RASGRP1: variants seen among roughly 807,000 people sequenced by gnomAD.
The protein encoded by RASGRP1 is RAS guanyl releasing protein 1.
A neutral mutation model predicts 95.1 loss-of-function variants in RASGRP1; 37 were observed. That is an observed-to-expected ratio of 0.39 (90% CI 0.30 to 0.51). The LOEUF (loss-of-function observed/expected upper bound fraction) is 0.51, where lower values mean the gene tolerates loss of function less well. Ranked by LOEUF, RASGRP1 falls within the 20% of genes least tolerant of loss-of-function variation. The pLI is 0.80. For synonymous variants in RASGRP1, 325 were observed against 353.4 expected (o/e 0.92, Z 0.90); for missense variants, 711 against 965.4 (o/e 0.74, Z 3.49).
At chr15:38,509,096 TTTTC>T (rs1485731647) in intron 8 of RASGRP1, among the ~76,000 whole-genome samples, 14 of 152,344 alleles carry the variant, frequency 9.2e-5, no homozygotes, top group Admixed American at 9.2e-4. Flanking sequence ...AATGAACTTC[TTTTC>T]TTTTTCACAA....
chr15:38,518,680 C>T (rs2141127071), intron 4 of RASGRP1, among the ~76,000 whole-genome samples: 1 of 152,286 alleles, frequency 6.6e-6, no homozygotes, highest in African/African-American at 2.4e-5. Context: ...GACAAAGATT[C>T]AGGCACAATC....
At chr15:38,551,130 C>G (rs1893324454) in intron 2 of RASGRP1, among the ~76,000 whole-genome samples, 1 of 152,076 alleles carries the variant, frequency 6.6e-6, no homozygotes, top group Non-Finnish European at 1.5e-5. Flanking sequence ...ACCACAAAGT[C>G]TATGTAAGAA....
At chr15:38,554,061 C>T (rs1893445016) in intron 2 of RASGRP1, among the ~76,000 whole-genome samples, 1 of 152,238 alleles carries the variant, frequency 6.6e-6, no homozygotes, top group South Asian at 2.1e-4. Context: ...GGCTGAATGG[C>T]AATCTCTGGG....
At chr15:38,511,496 A>C in intron 8 of RASGRP1, 108 bp downstream of exon 8, 2 of 787,444 alleles carry the variant, frequency 2.5e-6, no homozygotes, top group Non-Finnish European at 4.3e-6. Flanking sequence ...CTGGTTGACA[A>C]GGGATGGTGT....
chr15:38,533,853 T>C (rs1225291179), intron 2 of RASGRP1, among the ~76,000 whole-genome samples: 1 of 152,228 alleles, frequency 6.6e-6, no homozygotes, highest in Non-Finnish European at 1.5e-5. Context: ...CCCTGGTTTG[T>C]AGTGTTCACG....
intron 14 of RASGRP1, 60 bp downstream of exon 14, chr15:38,500,043 C>G: frequency 2.6e-6 from 4 of 1,550,008 alleles, no homozygotes; most frequent in South Asian, 1.1e-5. Flanking sequence ...AGGCAGTTCT[C>G]TATAGCAGCG....
chr15:38,543,779 C>G (rs145572651), intron 2 of RASGRP1, among the ~76,000 whole-genome samples: 10 of 151,128 alleles, frequency 6.6e-5, no homozygotes, highest in South Asian at 4.2e-4. Context: ...CTAAGGTCAT[C>G]TTACTTTACT....
chr15:38,512,065 G>A (rs1405085519), intron 7 of RASGRP1, among the ~76,000 whole-genome samples: 1 of 152,248 alleles, frequency 6.6e-6, no homozygotes, highest in Admixed American at 6.5e-5. Flanking sequence ...TAGGCTTGGA[G>A]ATCTGTACTT....
At chr15:38,520,669 TA>T (rs1278738116) in intron 3 of RASGRP1, among the ~76,000 whole-genome samples, 7 of 152,090 alleles carry the variant, frequency 4.6e-5, no homozygotes, top group Non-Finnish European at 8.8e-5. Context: ...ATTAGAGTTA[TA>T]AAAAACTATT....
At chr15:38,512,262 C>A (rs544260763) in intron 7 of RASGRP1, among the ~76,000 whole-genome samples, 2 of 152,280 alleles carry the variant, frequency 1.3e-5, no homozygotes, top group South Asian at 4.1e-4. Context: ...CCATGCAATG[C>A]CAGTGCCTAT....
intron 7 of RASGRP1, among the ~76,000 whole-genome samples, chr15:38,512,094 A>G (rs1891547907): frequency 1.3e-5 from 2 of 152,226 alleles, no homozygotes; most frequent in South Asian, 2.1e-4. Context: ...CCTTTAGTTA[A>G]TATCAGAGCA....
intron 15 of RASGRP1, among the ~76,000 whole-genome samples, chr15:38,496,930 G>A (rs1890814882): frequency 6.6e-6 from 1 of 152,180 alleles, no homozygotes; most frequent in Non-Finnish European, 1.5e-5. Context: ...TTTTCTCTAG[G>A]CATCTGTTGT....
intron 2 of RASGRP1, among the ~76,000 whole-genome samples, chr15:38,533,213 A>T (rs145135430): frequency 1.7e-3 from 265 of 152,276 alleles, no homozygotes; most frequent in South Asian, 4.8e-3. Flanking sequence ...GTGTGCCACA[A>T]CCAGAGGCCA....
At chr15:38,495,217 C>T (rs1267730988) in intron 15 of RASGRP1, among the ~76,000 whole-genome samples, 1 of 152,088 alleles carries the variant, frequency 6.6e-6, no homozygotes, top group Non-Finnish European at 1.5e-5. Context: ...TCTGGGAACC[C>T]GTTTGTACAG....
chr15:38,516,100 G>A (rs1426002916), intron 6 of RASGRP1, 97 bp downstream of exon 6: 1 of 1,370,954 alleles, frequency 7.3e-7, no homozygotes, highest in African/African-American at 1.5e-5. Flanking sequence ...GACTTGAGGG[G>A]GCCTCTAAGG....
intron 8 of RASGRP1, among the ~76,000 whole-genome samples, chr15:38,508,746 G>A (rs555668934): frequency 2.0e-5 from 3 of 152,346 alleles, no homozygotes; most frequent in South Asian, 2.1e-4. Context: ...AAAGGGAGCA[G>A]CCAGATCTAG....
chr15:38,553,580 T>C (rs1418945477), intron 2 of RASGRP1, among the ~76,000 whole-genome samples: 1 of 152,112 alleles, frequency 6.6e-6, no homozygotes, highest in Non-Finnish European at 1.5e-5. Context: ...CCCAGCACCA[T>C]AGGAAACTGG....
At chr15:38,505,068 A>G (rs1262648113) in intron 10 of RASGRP1, 1 of 152,230 alleles carries the variant, frequency 6.6e-6, no homozygotes, top group Non-Finnish European at 1.5e-5. Context: ...TTACAATAGA[A>G]AGCTAGAACT....
chr15:38,490,811 T>G, intron 16 of RASGRP1, 123 bp from the exon 17 acceptor site: 1 of 1,039,270 alleles, frequency 9.6e-7, no homozygotes, highest in Non-Finnish European at 1.4e-6. Flanking sequence ...AACAACCATT[T>G]TCAAGATAGT....
Sources: gnomAD v4.1 joint callset for allele counts (sites outside exome capture counted in the v4.1 genomes callset) on GRCh38, gnomAD v4.1.1 for gene constraint, MANE v1.5 for transcripts, NCBI Gene and HGNC (gene_info 2026-07-23, HGNC 2026-07-21) for gene names.